EYS: variants seen among roughly 807,000 people sequenced by gnomAD.
EYS encodes EGF-like photoreceptor maintenance factor, also known as protein eyes shut homolog.
EYS carries 250 observed loss-of-function variants against 282.1 expected under a neutral mutation model. The ratio of observed to expected loss-of-function variants is 0.89; its 90% CI spans 0.80 to 0.98. The LOEUF (loss-of-function observed/expected upper bound fraction) is 0.98, where lower values mean the gene tolerates loss of function less well. Among genes scored for constraint, EYS ranks in the 50% least tolerant of loss-of-function variants. The probability of loss-of-function intolerance (pLI) is 0.00; values close to 1 mark genes in which losing one functional copy is unlikely to be tolerated. For synonymous variants in EYS, 1,355 were observed against 1,282.9 expected, an observed-to-expected ratio of 1.06 and a Z score of -1.20; for missense variants, 4,016 against 3,709.0, an observed-to-expected ratio of 1.08 and a Z score of -2.15.
At chr6:63,746,759 G>T (rs1041402189) in intron 41 of EYS, among the ~76,000 whole-genome samples, 1 of 152,108 alleles carries the variant, frequency 6.6e-6, no homozygotes, top group Non-Finnish European at 1.5e-5. Context: ...ATTTCTGTGG[G>T]ATCAGTGGTG....
intron 12 of EYS, among the ~76,000 whole-genome samples, chr6:65,243,748 A>G (rs1384020860): frequency 1.3e-5 from 2 of 152,108 alleles, no homozygotes; most frequent in African/African-American, 4.8e-5. Context: ...CTACAGAAAA[A>G]TAAGAAAAAA....
At chr6:63,800,342 T>C (rs1582219911) in intron 37 of EYS, among the ~76,000 whole-genome samples, 1 of 152,218 alleles carries the variant, frequency 6.6e-6, no homozygotes, top group African/African-American at 2.4e-5. Flanking sequence ...TCAGGGACCA[T>C]GCATTTTTAT....
rs557603938 is a variant in EYS at position 64,058,955 on chromosome 6, C to T, written c.6725+7383G>A. On this transcript the variant is annotated intron_variant, in intron 33 of 42. Coordinates refer to ENST00000503581, the MANE Select transcript of EYS (RefSeq NM_001142800.2). The stretch of plus-strand genomic sequence containing the variant: ...TAGCATACACAGCTAGTGCTCAAAA[C>T]ATTTCTTGCCTTTTATTTTTATTTG... 1.6e-4 allele frequency among the ~76,000 whole-genome samples: 24 copies of T among 152,198 alleles called. No individual in the cohort carries two copies. The South Asian group carries it at 3.3e-3, about 21-fold the overall frequency.
At chr6:64,596,477 C>T (rs1330460063) in intron 24 of EYS, among the ~76,000 whole-genome samples, 3 of 152,100 alleles carry the variant, frequency 2.0e-5, no homozygotes, top group Non-Finnish European at 2.9e-5. Flanking sequence ...TATGTAGCTA[C>T]AGTAACTTAA....
intron 5 of EYS, among the ~76,000 whole-genome samples, chr6:65,434,440 C>T (rs1168907296): frequency 6.6e-6 from 1 of 151,862 alleles, no homozygotes; most frequent in Non-Finnish European, 1.5e-5. Context: ...CCTGCCTCAG[C>T]CTCCCGAGTA....
At chr6:64,240,503 C>T (rs1766786035) in intron 30 of EYS, among the ~76,000 whole-genome samples, 1 of 152,034 alleles carries the variant, frequency 6.6e-6, no homozygotes, top group African/African-American at 2.4e-5. Flanking sequence ...GTATTTTATT[C>T]TCTTTGTAGC....
At chr6:65,364,995 T>G (rs1193768837) in intron 8 of EYS, among the ~76,000 whole-genome samples, 2 of 151,640 alleles carry the variant, frequency 1.3e-5, no homozygotes, top group African/African-American at 4.8e-5. Context: ...TCTGGTCATC[T>G]GCATACTGTC....
intron 32 of EYS, among the ~76,000 whole-genome samples, 185 bp from the exon 33 acceptor site, chr6:64,066,676 G>T (rs1242866452): frequency 6.6e-6 from 1 of 152,086 alleles, no homozygotes; most frequent in African/African-American, 2.4e-5. Flanking sequence ...ACAGGCTGAG[G>T]ATAGCATGGT....
chr6:64,493,001 T>C (rs904411817), intron 26 of EYS, among the ~76,000 whole-genome samples: 1 of 151,428 alleles, frequency 6.6e-6, no homozygotes, highest in Non-Finnish European at 1.5e-5. Context: ...ACACAAAATA[T>C]GAATAAACTA....
chr6:64,275,110 G>A (rs1347562059), intron 30 of EYS, among the ~76,000 whole-genome samples: 1 of 152,106 alleles, frequency 6.6e-6, no homozygotes, highest in East Asian at 1.9e-4. Flanking sequence ...ACAACTCTCT[G>A]TTGATTTCAC....
At chr6:65,222,008 G>C (rs2150259940) in intron 12 of EYS, among the ~76,000 whole-genome samples, 1 of 152,076 alleles carries the variant, frequency 6.6e-6, no homozygotes, top group East Asian at 1.9e-4. Context: ...ATTTGAAATG[G>C]GTATATTTAC....
At chr6:65,037,906 T>G (rs2150147492) in intron 13 of EYS, among the ~76,000 whole-genome samples, 1 of 151,822 alleles carries the variant, frequency 6.6e-6, no homozygotes, top group South Asian at 2.1e-4. Flanking sequence ...TTTATACTCA[T>G]ATCTCCAATT....
chr6:63,722,220 C>T (rs1320226306), intron 42 of EYS, among the ~76,000 whole-genome samples: 1 of 152,138 alleles, frequency 6.6e-6, no homozygotes, highest in Admixed American at 6.6e-5. Flanking sequence ...CATCCTTACA[C>T]TCTCTTTACT....
intron 29 of EYS, among the ~76,000 whole-genome samples, chr6:64,364,187 A>G (rs1228393521): frequency 1.3e-5 from 2 of 151,908 alleles, no homozygotes; most frequent in Non-Finnish European, 2.9e-5. Context: ...TCCATAAAAA[A>G]TTCTCCATAA....
intron 20 of EYS, among the ~76,000 whole-genome samples, chr6:64,821,957 G>GTT (rs1764913409): frequency 6.6e-6 from 1 of 152,000 alleles, no homozygotes. Context: ...AGAATGAACA[G>GTT]TTTTAAAAGA....
chr6:64,734,170 T>C (rs1772085191), intron 22 of EYS, among the ~76,000 whole-genome samples: 1 of 151,798 alleles, frequency 6.6e-6, no homozygotes, highest in African/African-American at 2.4e-5. Flanking sequence ...GATTTACTGC[T>C]GGCCATATGG....
chr6:64,608,632 C>A (rs560947926), intron 24 of EYS, among the ~76,000 whole-genome samples: 29 of 152,184 alleles, frequency 1.9e-4, no homozygotes, highest in African/African-American at 7.0e-4. Context: ...CAGCCTTATT[C>A]ATGATTGCCA....
intron 34 of EYS, among the ~76,000 whole-genome samples, chr6:63,995,800 T>C (rs1056475054): frequency 6.6e-6 from 1 of 151,834 alleles, no homozygotes; most frequent in South Asian, 2.1e-4. Flanking sequence ...TGGTCAGGGA[T>C]GGGGATAGAC....
chr6:65,289,956 T>C (rs1185698226), intron 12 of EYS, among the ~76,000 whole-genome samples: 1 of 151,260 alleles, frequency 6.6e-6, no homozygotes, highest in African/African-American at 2.4e-5. Context: ...TAAAAAGTAT[T>C]GCCAAGTAAA....
Sources: allele counts gnomAD v4.1 joint callset (sites outside exome capture counted in the v4.1 genomes callset), GRCh38; gene constraint gnomAD v4.1.1; transcripts MANE v1.5; gene names NCBI Gene and HGNC (gene_info 2026-07-23, HGNC 2026-07-21).